Variants in CELA3B observed in about 807,000 individuals in gnomAD.
The protein encoded by CELA3B is chymotrypsin-like elastase family member 3B.
Under a neutral mutation model 37.2 loss-of-function variants are expected in CELA3B, and 34 were observed. That is an observed-to-expected ratio of 0.91 (90% CI 0.70 to 1.22). The LOEUF is 1.22. Among genes scored for constraint, CELA3B ranks in the 50% most tolerant of loss-of-function variants. The probability of loss-of-function intolerance (pLI) is 0.00; values close to 1 mark genes in which losing one functional copy is unlikely to be tolerated. For missense variants in CELA3B, 340 were observed against 363.1 expected, an observed-to-expected ratio of 0.94 and a Z score of 0.52; for synonymous variants, 127 against 143.5, an observed-to-expected ratio of 0.89 and a Z score of 0.82.
chr1:21,988,830 C>T (rs1220804725), intron 7 of CELA3B, among the ~76,000 whole-genome samples: 7 of 151,758 alleles, frequency 4.6e-5, no homozygotes, highest in Non-Finnish European at 8.8e-5. Flanking sequence ...GTGGAGGTTG[C>T]GGTGAGCTGA....
In CELA3B at chr1:21,986,399, T is replaced by A. The variant is rs1389027724; in HGVS notation, c.643-132T>A. ...TAAAAAAATAAAAATAATAAATGAT[T>A]AAAAAAAATGAGCGAGCTAAGGCTC... On this transcript the variant is annotated intron_variant, in intron 6 of 7. Transcript: ENST00000337107. 5.1e-6 allele frequency: 6 copies of A among 1,168,554 alleles called. No homozygotes were observed. The South Asian group carries it at 8.2e-5, about 16-fold the overall frequency. The allele number at this position is 1,168,554 out of a possible 1,614,324, so 72.4% of individuals were successfully genotyped here.
At chr1:21,987,521 G>A (rs1480557158) in intron 7 of CELA3B, 1 of 141,150 alleles carries the variant, frequency 7.1e-6, no homozygotes, top group Non-Finnish European at 1.6e-5. Flanking sequence ...CAGCTACTTG[G>A]GAGGCTGAGG....
Position 21,981,188 on chromosome 1 carries a change from G to C in CELA3B, c.362+16G>C. On this transcript the variant is annotated intron_variant, in intron 4 of 7. Transcript: ENST00000337107. ...TGGCCTGTGGGTGAGTGAATGCTCC[G>C]GTCTGGAACCCAGAGGCTCCTCTAC... The C allele has an allele frequency of 6.2e-7, 1 of 1,610,020 alleles. No individual in the cohort carries two copies. Among genetic ancestry groups the C allele is most frequent in the Non-Finnish European group, 8.5e-7 (1 of 1,179,264 alleles).
At position 21,983,707 on chromosome 1, in the gene CELA3B, C is replaced by T. The variant is rs749811009; in HGVS notation, c.376C>T (p.Leu126Phe). The change falls in exon 5 of 8, where the codon CTC becomes TTC. Residue 126 changes from leucine to phenylalanine, a missense_variant. Physicochemically the swap from Leu to Phe is conservative, Grantham distance 22. Coordinates refer to ENST00000337107, the MANE Select transcript of CELA3B (RefSeq NM_007352.4). ...CCTCCTCCCCAGCAATGACATCGCC[C>T]TCATCAAGCTCTCACGCAGCGCCCA... ...SCVACGNDIA[L>F]IKLSRSAQLG... 6.2e-6 allele frequency: 10 copies of T among 1,614,018 alleles called. No homozygotes were observed. In the South Asian group the frequency reaches 9.9e-5, roughly 16 times the overall value.
At position 21,978,360 on chromosome 1, in the gene CELA3B, C is replaced by T. The variant is rs201720180; in HGVS notation, c.44-9C>T. 186 of 1,613,928 alleles carry T rather than the reference C, an allele frequency of 1.2e-4. 3 individuals carry two copies. Among genetic ancestry groups the T allele is most frequent in the Non-Finnish European group, 8.9e-5 (105 of 1,179,912 alleles). ...TCCCGCTGATTGACAGCTCTCCTCTCCCCTCTAGCCTCAGGCTATGGCCCA... is the reference window on the plus strand; with the variant it reads ...TCCCGCTGATTGACAGCTCTCCTCTTCCCTCTAGCCTCAGGCTATGGCCCA... On this transcript the variant is annotated splice_polypyrimidine_tract_variant and intron_variant, in intron 1 of 7. Transcript: ENST00000337107.
intron 4 of CELA3B, among the ~76,000 whole-genome samples, chr1:21,996,758 A>G (rs566013029): frequency 6.6e-6 from 1 of 150,922 alleles, no homozygotes; most frequent in East Asian, 2.0e-4. Context: ...CCATTGCTCA[A>G]TAACCTCCTT....
At chr1:21,998,256 G>A in exon 5 of CELA3B, 1 of 461,118 alleles carries the variant, frequency 2.2e-6, no homozygotes, top group South Asian at 1.6e-5. Context: ...TGTAGGAAAG[G>A]ACAATTTGAA....
At chr1:21,984,110 C>G (rs910557192) in intron 5 of CELA3B, 79 bp from the exon 6 acceptor site, 24 of 1,515,762 alleles carry the variant, frequency 1.6e-5, no homozygotes, top group African/African-American at 5.5e-5. Flanking sequence ...AAGAACTGTG[C>G]GCCTTGGATG....
intron 7 of CELA3B, among the ~76,000 whole-genome samples, chr1:21,987,219 C>A (rs1644844341): frequency 6.6e-6 from 1 of 150,766 alleles, no homozygotes; most frequent in African/African-American, 2.5e-5. Context: ...CTTTGGGAAG[C>A]AGAGGCAGGT....
At chr1:21,997,287 G>T (rs1644894302) in intron 4 of CELA3B, among the ~76,000 whole-genome samples, 1 of 149,612 alleles carries the variant, frequency 6.7e-6, no homozygotes, top group Non-Finnish European at 1.5e-5. Flanking sequence ...CTTTAACCTG[G>T]GAGGCAGAGG....
intron 4 of CELA3B, among the ~76,000 whole-genome samples, chr1:21,995,112 C>G (rs1261651510): frequency 6.7e-6 from 1 of 148,646 alleles, no homozygotes; most frequent in East Asian, 2.0e-4. Context: ...GGTGGCTGTC[C>G]CCAATATTGG....
rs539187710 is a variant in CELA3B, at chr1:21,983,689, C to G, written c.363-5C>G. 13 of 1,613,534 alleles carry G rather than the reference C, an allele frequency of 8.1e-6. No homozygotes were observed. In the Admixed American group the frequency reaches 1.5e-4, roughly 19 times the overall value. ...CAGGCCCCGTGACTGTTCCCTCCTCCCCAGCAATGACATCGCCCTCATCAA... is the reference window on the plus strand; with the variant it reads ...CAGGCCCCGTGACTGTTCCCTCCTCGCCAGCAATGACATCGCCCTCATCAA... On this transcript the variant is annotated splice_polypyrimidine_tract_variant and splice_region_variant and intron_variant, in intron 4 of 7. Coordinates refer to ENST00000337107, the MANE Select transcript of CELA3B (RefSeq NM_007352.4).
intron 1 of CELA3B, 51 bp downstream of exon 1, chr1:21,977,133 T>A (rs762786012): frequency 3.7e-6 from 6 of 1,611,916 alleles, no homozygotes; most frequent in Non-Finnish European, 5.1e-6. Flanking sequence ...AGATTAGGAA[T>A]CCTTGAAATC....
intron 6 of CELA3B, 68 bp from the exon 7 acceptor site, chr1:21,986,463 A>G: frequency 6.3e-7 from 1 of 1,577,832 alleles, no homozygotes; most frequent in African/African-American, 1.4e-5. Flanking sequence ...CGAAATCCCT[A>G]GAATTCAGAA....
intron 4 of CELA3B, among the ~76,000 whole-genome samples, chr1:21,994,917 G>A (rs1644883919): frequency 6.9e-6 from 1 of 145,478 alleles, no homozygotes; most frequent in African/African-American, 2.6e-5. Context: ...TGGGAGGATC[G>A]CCTGAGTCAG....
intron 7 of CELA3B, among the ~76,000 whole-genome samples, chr1:21,988,504 T>C (rs947842673): frequency 3.4e-5 from 5 of 148,788 alleles, no homozygotes; most frequent in Non-Finnish European, 7.4e-5. Context: ...GGTAGAAGAA[T>C]TGCTTGAACT....
At chr1:21,993,343 TC>T (rs1644876719), downstream of CELA3B, among the ~76,000 whole-genome samples, 4 of 150,040 alleles carry the variant, frequency 2.7e-5, no homozygotes, top group Admixed American at 2.7e-4. Flanking sequence ...GTGCCTGTAA[TC>T]CCAGCTACTT....
chr1:21,977,634 A>T (rs1644779979), intron 1 of CELA3B, among the ~76,000 whole-genome samples: 1 of 152,176 alleles, frequency 6.6e-6, no homozygotes, highest in African/African-American at 2.4e-5. Flanking sequence ...GCCTCAGGAG[A>T]TCAGTACTAT....
chr1:21,981,122 T>C lies in CELA3B; in HGVS notation c.312T>C (p.Ser104=), dbSNP rs1644801908. 2.5e-6 allele frequency: 4 copies of C among 1,613,004 alleles called. No individual in the cohort carries two copies. The highest frequency in any genetic ancestry group is 1.3e-5 in the African/African-American group (1 of 74,902). The stretch of plus-strand genomic sequence containing the variant: ...CCGAGCAGGTGATCCCCATCAACTC[T>C]GGGGACCTCTTTGTGCATCCACTCT... ...EGPEQVIPIN[S]GDLFVHPLWN... Residue 104 remains serine (S), a synonymous_variant, in exon 4 of 8, where the codon TCT becomes TCC. Transcript: ENST00000337107.
Sources: allele counts gnomAD v4.1 joint callset (sites outside exome capture counted in the v4.1 genomes callset), GRCh38; gene constraint gnomAD v4.1.1; transcripts MANE v1.5; gene names NCBI Gene and HGNC (gene_info 2026-07-23, HGNC 2026-07-21).